The following PLIN5 variants were observed in gnomAD, a reference collection of about 807,000 sequenced individuals.
PLIN5 encodes perilipin-5.
Under a neutral mutation model 32.8 loss-of-function variants are expected in PLIN5, and 34 were observed. That is an observed-to-expected ratio of 1.04 (90% confidence interval 0.79 to 1.38). The LOEUF (loss-of-function observed/expected upper bound fraction) is 1.38, where lower values mean the gene tolerates loss of function less well. Among genes scored for constraint, PLIN5 ranks in the 40% most tolerant of loss-of-function variants. The probability of loss-of-function intolerance (pLI) is 0.00; values close to 1 mark genes in which losing one functional copy is unlikely to be tolerated. For missense variants in PLIN5, 712 were observed against 660.5 expected (o/e 1.08, Z -0.85); for synonymous variants, 309 against 292.9 (o/e 1.05, Z -0.56).
chr19:4,526,483 C>T (rs367908089), intron 5 of PLIN5, among the ~76,000 whole-genome samples: 17 of 152,258 alleles, frequency 1.1e-4, no homozygotes, highest in South Asian at 4.1e-4. Context: ...GGCCTCCTAA[C>T]GTGCTGTGTT....
intron 5 of PLIN5, among the ~76,000 whole-genome samples, chr19:4,527,242 A>G (rs1976815516): frequency 6.6e-6 from 1 of 151,510 alleles, no homozygotes. Flanking sequence ...CGCCCGGCCA[A>G]TTTTTTGTAT....
Position 4,523,536 on chromosome 19 carries a change from C to T in PLIN5, c.1384G>A (p.Asp462Asn), listed in dbSNP as rs1448647096. ...CTCCACTGGCCCATGGGTCAGAAGT[C>T]CAGCTCGGGCATCAGGGTGTGCTTG... ...PVKHTLMPEL[D>N]F The change falls in exon 8 of 8, where the codon GAC becomes AAC. Residue 462 changes from aspartate to asparagine, a missense_variant. By Grantham distance (23) the Asp-to-Asn change is conservative. Coordinates refer to ENST00000381848, the MANE Select transcript of PLIN5 (RefSeq NM_001013706.3). This position sits in a 1 kb window ranked among gnomAD's most constrained non-coding sequence, Gnocchi z 5.0. 2.6e-6 allele frequency: 4 copies of T among 1,562,436 alleles called. No homozygotes were observed. Among genetic ancestry groups the T allele is most frequent in the Middle Eastern group, 1.7e-4 (1 of 5,834 alleles).
Position 4,525,104 on chromosome 19 carries a change from GAGC to G in PLIN5, c.721-31_721-29del. 1 of 953,618 alleles carries G rather than the reference GAGC, an allele frequency of 1.0e-6. No individual in the cohort carries two copies. The allele number at this position is 953,618 out of a possible 1,614,324, so 59.1% of individuals were successfully genotyped here. The stretch of plus-strand genomic sequence containing the variant: ...GCAAGGACAGAAATGGTGGTCTTCA[GAGC>G]TGGGGGAGCTGGGGGAGCTGGGGGT... On this transcript the variant is annotated intron_variant, in intron 6 of 7. Transcript: ENST00000381848. The surrounding 1 kb of genome is among the most constrained non-coding windows in gnomAD (Gnocchi z 5.6).
intron 2 of PLIN5, among the ~76,000 whole-genome samples, chr19:4,532,184 G>A (rs563439548): frequency 5.3e-5 from 8 of 151,506 alleles, no homozygotes; most frequent in East Asian, 1.9e-4. Context: ...ACAGGTGCCC[G>A]CCACCACACC....
chr19:4,531,885 C>T (rs1976890677), intron 2 of PLIN5, 63 bp from the exon 3 acceptor site: 88 of 1,424,112 alleles, frequency 6.2e-5, no homozygotes, highest in Non-Finnish European at 8.1e-5. Flanking sequence ...ACACCTCAAC[C>T]TACTTCCCCT....
chr19:4,529,740 G>T, intron 4 of PLIN5, 44 bp downstream of exon 4: 7 of 1,523,584 alleles, frequency 4.6e-6, no homozygotes, highest in Non-Finnish European at 6.4e-6. Context: ...CTCTAATCTG[G>T]CCTGCCCCCA....
Position 4,525,091 on chromosome 19 carries a change from ATGG to A in PLIN5, c.721-18_721-16del. ...ATGTGGTCTATCTGCAAGGACAGAA[ATGG>A]TGGTCTTCAGAGCTGGGGGAGCTGG... On this transcript the variant is annotated splice_polypyrimidine_tract_variant and intron_variant, in intron 6 of 7. Transcript: ENST00000381848. The surrounding 1 kb of genome is among the most constrained non-coding windows in gnomAD (Gnocchi z 5.6). The A allele has an allele frequency of 2.5e-6, 2 of 785,148 alleles. No individual in the cohort carries two copies. The highest frequency in any genetic ancestry group is 3.5e-6 in the Non-Finnish European group (2 of 578,748). 48.6% of individuals were successfully genotyped at this position (785,148 alleles called of 1,614,324 possible). A position where few individuals can be genotyped will look rare whatever the true frequency, so the allele number is the denominator to read the frequency against.
chr19:4,530,007 CA>C (rs992927264), intron 3 of PLIN5, 141 bp from the exon 4 acceptor site: 3 of 476,408 alleles, frequency 6.3e-6, no homozygotes, highest in Non-Finnish European at 1.1e-5. Context: ...CAGGGAGAAA[CA>C]AAACGGAATG....
rs1215661772 is a variant in PLIN5 at position 4,529,463 on chromosome 19, CACAT to C, written c.340-214_340-211del. On this transcript the variant is annotated intron_variant, in intron 4 of 7. Coordinates refer to ENST00000381848, the MANE Select transcript of PLIN5 (RefSeq NM_001013706.3). ...CTTACTAGCAATACATATGTATACACACATACATATACATATATACACATATACA... is the reference window on the plus strand; with the variant it reads ...CTTACTAGCAATACATATGTATACACACATATACATATATACACATATACA... The C allele has an allele frequency of 6.9e-6, 4 of 581,528 alleles. No homozygotes were observed. The East Asian group carries it at 8.6e-5, about 12-fold the overall frequency. 36.0% of individuals were successfully genotyped at this position (581,528 alleles called of 1,614,324 possible).
At chr19:4,529,978 G>A (rs1976863840) in intron 3 of PLIN5, 112 bp from the exon 4 acceptor site, 2 of 602,122 alleles carry the variant, frequency 3.3e-6, no homozygotes, top group Non-Finnish European at 5.6e-6. Context: ...GACAGAGAAG[G>A]AAGGAGACCA....
At chr19:4,528,431 C>G (rs371221671) in intron 5 of PLIN5, 1 of 149,092 alleles carries the variant, frequency 6.7e-6, no homozygotes, top group East Asian at 2.0e-4. Flanking sequence ...TTTTTTGAAA[C>G]GGAGTCTCGC....
In PLIN5 at chr19:4,522,992, A is replaced by G. The variant is rs921954926; in HGVS notation, c.*536T>C. 1 of 152,218 alleles carries G rather than the reference A, an allele frequency of 6.6e-6. No individual in the cohort carries two copies. 9.4% of individuals were successfully genotyped at this position (152,218 alleles called of 1,614,324 possible). Reference sequence around the variant, plus strand: ...CAGTGGCGCGATCTCTGCTCACTGCAAGCTCCGCGCCTCTCGGGTTTAAGC... The same window carrying G: ...CAGTGGCGCGATCTCTGCTCACTGCGAGCTCCGCGCCTCTCGGGTTTAAGC... On this transcript the variant is annotated 3_prime_UTR_variant, in exon 8 of 8. Coordinates refer to ENST00000381848, the MANE Select transcript of PLIN5 (RefSeq NM_001013706.3).
rs571780018 is a variant in PLIN5 at position 4,528,071 on chromosome 19, G to A, written c.520+1002C>T. Among the ~76,000 whole-genome samples the A allele has an allele frequency of 1.1e-3, 167 of 151,866 alleles. 2 individuals carry two copies. Among genetic ancestry groups the A allele is most frequent in the African/African-American group, 3.9e-3 (163 of 41,458 alleles). On this transcript the variant is annotated intron_variant, in intron 5 of 7. Transcript: ENST00000381848. ...ACTACAGGCGCCCGCCACCACGCCCGGCTAATTTTTTGTATTTTTAGTAGA... is the reference window on the plus strand; with the variant it reads ...ACTACAGGCGCCCGCCACCACGCCCAGCTAATTTTTTGTATTTTTAGTAGA...
In PLIN5 at chr19:4,525,945, G is replaced by C; in HGVS notation, c.521-113C>G. 1.5e-6 allele frequency: 1 copy of C among 661,964 alleles called. No individual in the cohort carries two copies. The highest frequency in any genetic ancestry group is 2.8e-5 in the East Asian group (1 of 36,146). 41.0% of individuals were successfully genotyped at this position (661,964 alleles called of 1,614,324 possible). On this transcript the variant is annotated intron_variant, in intron 5 of 7. Transcript: ENST00000381848. This position sits in a 1 kb window ranked among gnomAD's most constrained non-coding sequence, Gnocchi z 5.6. ...CGGGGACAGCACGGGGACAGGATAC[G>C]GGGACAGCACGGGGACAGCATGGGG... is the stretch of plus-strand genomic sequence containing the variant.
At chr19:4,532,154 C>A (rs543747753) in intron 2 of PLIN5, among the ~76,000 whole-genome samples, 117 of 152,254 alleles carry the variant, frequency 7.7e-4, no homozygotes, top group African/African-American at 2.7e-3. Flanking sequence ...CCTGCCTCAG[C>A]CTCCCAAGTA....
At chr19:4,527,656 G>A (rs1331041269) in intron 5 of PLIN5, among the ~76,000 whole-genome samples, 1 of 150,508 alleles carries the variant, frequency 6.6e-6, no homozygotes, top group Non-Finnish European at 1.5e-5. Flanking sequence ...CAGGAGTTTG[G>A]CCAACATGCA....
At position 4,534,099 on chromosome 19, in the gene PLIN5, C is replaced by A. The variant is rs747324921; in HGVS notation, c.-21-4G>T. 3.1e-6 allele frequency: 5 copies of A among 1,605,538 alleles called. No homozygotes were observed. The highest frequency in any genetic ancestry group is 2.3e-5 in the East Asian group (1 of 44,434). On this transcript the variant is annotated splice_polypyrimidine_tract_variant and splice_region_variant and intron_variant, in intron 1 of 7. Coordinates refer to ENST00000381848, the MANE Select transcript of PLIN5 (RefSeq NM_001013706.3). ...TCGTGCTGCAAACAGGGTCACCCTGCGGGGCAGGATTGAGTAAGGGGAGCA... is the reference window on the plus strand; with the variant it reads ...TCGTGCTGCAAACAGGGTCACCCTGAGGGGCAGGATTGAGTAAGGGGAGCA...
intron 4 of PLIN5, chr19:4,529,485 C>A (rs373927331): frequency 1.8e-6 from 1 of 548,218 alleles, no homozygotes; most frequent in Non-Finnish European, 3.2e-6. Context: ...CATATATACA[C>A]ATATACACAC....
intron 7 of PLIN5, 144 bp from the exon 8 acceptor site, chr19:4,524,229 G>C (rs1167332054): frequency 2.4e-6 from 2 of 820,640 alleles, no homozygotes; most frequent in East Asian, 3.3e-5. Context: ...CACAGAATGT[G>C]ACCCAGCCCT....
Sources: gnomAD v4.1 joint callset for allele counts (sites outside exome capture counted in the v4.1 genomes callset) on GRCh38, gnomAD v4.1.1 for gene constraint, Gnocchi (gnomAD v3.1) non-coding constraint, MANE v1.5 for transcripts, NCBI Gene and HGNC (gene_info 2026-07-23, HGNC 2026-07-21) for gene names.